Variants in ERO1A observed in about 807,000 individuals in gnomAD.
ERO1A encodes the protein ERO1-like protein alpha.
Under a neutral mutation model 76.9 loss-of-function variants are expected in ERO1A, and 49 were observed. That is an observed-to-expected ratio of 0.64 (90% CI 0.51 to 0.81). The LOEUF is 0.81. Ranked by LOEUF, ERO1A falls within the 30% of genes least tolerant of loss-of-function variation. The pLI, the probability that ERO1A is intolerant of heterozygous loss-of-function variation, is 0.00. For missense variants in ERO1A, 448 were observed against 542.1 expected (o/e 0.83, Z 1.72); for synonymous variants, 174 against 181.2 (o/e 0.96, Z 0.32).
intron 13 of ERO1A, among the ~76,000 whole-genome samples, chr14:52,650,601 T>C (rs1345189738): frequency 6.6e-6 from 1 of 152,052 alleles, no homozygotes; most frequent in Admixed American, 6.6e-5. Context: ...TATATATGTA[T>C]GTATATATAA....
At chr14:52,681,950 A>G (rs1347881573) in intron 3 of ERO1A, among the ~76,000 whole-genome samples, 1 of 152,252 alleles carries the variant, frequency 6.6e-6, no homozygotes, top group Non-Finnish European at 1.5e-5. Flanking sequence ...TCAAAGGATT[A>G]TATTAACCAC....
Position 52,671,633 on chromosome 14 carries a change from C to T in ERO1A, c.505G>A (p.Asp169Asn), listed in dbSNP as rs2139714666. The T allele has an allele frequency of 1.3e-6, 2 of 1,599,612 alleles. No individual in the cohort carries two copies. The highest frequency in any genetic ancestry group is 2.2e-5 in the East Asian group (1 of 44,640). The change falls in exon 6 of 16, where the codon GAT becomes AAT. Residue 169 changes from aspartate (D) to asparagine (N), a missense_variant. Physicochemically the swap from Asp to Asn is conservative, Grantham distance 23. Around this residue, in one of 2 missense-constraint regions of ERO1A, gnomAD observed 302 missense variants for 411.9 expected, o/e 0.73. Transcript: ENST00000395686. ...CATACTATCAAAAATATTATACCAT[C>T]AGCTTCACAGAAGTTATCTGAAGAA... ...DDSSDNFCEA[D>N]DIQSPEAEYV...
At chr14:52,681,905 A>G (rs899191936) in intron 3 of ERO1A, among the ~76,000 whole-genome samples, 2 of 152,200 alleles carry the variant, frequency 1.3e-5, no homozygotes, top group African/African-American at 4.8e-5. Context: ...ATCAAATATC[A>G]GGCCAAAAGA....
intron 7 of ERO1A, 101 bp downstream of exon 7, chr14:52,666,274 C>CA (rs2040407593): frequency 1.1e-6 from 1 of 869,678 alleles, no homozygotes; most frequent in African/African-American, 1.7e-5. Flanking sequence ...CATCTTTTAA[C>CA]AAAGTGAATT....
chr14:52,684,710 T>C (rs10483614), intron 1 of ERO1A, among the ~76,000 whole-genome samples: 24,006 of 152,244 alleles, frequency 0.16, 1,978 homozygotes, highest in South Asian at 0.26. Context: ...AATGTCTTAA[T>C]GGTATGTACT....
In ERO1A at chr14:52,641,132, T is replaced by C. The variant is rs2039456376; in HGVS notation, c.*2438A>G. 6.6e-6 allele frequency: 1 copy of C among 151,856 alleles called. No individual in the cohort carries two copies. Among genetic ancestry groups the C allele is most frequent in the African/African-American group, 2.4e-5 (1 of 41,356 alleles). The allele number at this position is 151,856 out of a possible 1,614,324, so 9.4% of individuals were successfully genotyped here. A position where few individuals can be genotyped will look rare whatever the true frequency, so the allele number is the denominator to read the frequency against. ...AGTAGGGGTTGTCAAAAATGTCAAA[T>C]ACAGAAAAAAAGTCAAGTACTAGCT... On this transcript the variant is annotated 3_prime_UTR_variant, in exon 16 of 16. Coordinates refer to ENST00000395686, the MANE Select transcript of ERO1A (RefSeq NM_014584.3).
intron 1 of ERO1A, among the ~76,000 whole-genome samples, chr14:52,686,815 C>T (rs2139777623): frequency 6.6e-6 from 1 of 151,698 alleles, no homozygotes; most frequent in African/African-American, 2.4e-5. Flanking sequence ...GCAGAGATTG[C>T]AGTGAGCCAA....
At chr14:52,693,318 G>C (rs1280364663) in intron 1 of ERO1A, among the ~76,000 whole-genome samples, 1 of 152,022 alleles carries the variant, frequency 6.6e-6, no homozygotes, top group Non-Finnish European at 1.5e-5. Context: ...AGAAAAACGT[G>C]AGAGACTGGC....
chr14:52,653,646 G>A (rs1311525332), intron 11 of ERO1A, among the ~76,000 whole-genome samples: 1 of 151,848 alleles, frequency 6.6e-6, no homozygotes, highest in East Asian at 1.9e-4. Flanking sequence ...TATAATTTAT[G>A]TATTAATCAC....
chr14:52,646,069 T>C (rs1039640629), intron 15 of ERO1A, 85 bp downstream of exon 15: 2 of 1,390,264 alleles, frequency 1.4e-6, no homozygotes, highest in African/African-American at 2.9e-5. Context: ...AAAAAGGATA[T>C]TCCTTACCCA....
intron 7 of ERO1A, 55 bp downstream of exon 7, chr14:52,666,320 T>G: frequency 1.6e-6 from 2 of 1,284,538 alleles, no homozygotes; most frequent in Non-Finnish European, 2.2e-6. Context: ...ATTTTGTTTA[T>G]AAAGAGAAAT....
chr14:52,690,367 C>T (rs1170830041), intron 1 of ERO1A, among the ~76,000 whole-genome samples: 1 of 152,206 alleles, frequency 6.6e-6, no homozygotes, highest in African/African-American at 2.4e-5. Flanking sequence ...TGCAGACCAT[C>T]TGTCTGACAA....
chr14:52,651,106 CAAAAAA>C (rs5808681), intron 13 of ERO1A, among the ~76,000 whole-genome samples: 1 of 102,366 alleles, frequency 9.8e-6, no homozygotes, highest in African/African-American at 3.8e-5. Flanking sequence ...CTGTTTCTAC[CAAAAAA>C]AAAAAAAAAA....
intron 13 of ERO1A, among the ~76,000 whole-genome samples, chr14:52,650,625 C>T (rs2039825962): frequency 6.6e-6 from 1 of 151,764 alleles, no homozygotes; most frequent in Middle Eastern, 3.4e-3. Context: ...CAGATCAAAC[C>T]CAGTAGTATG....
chr14:52,684,361 T>C (rs568902079), intron 1 of ERO1A, among the ~76,000 whole-genome samples: 2 of 152,144 alleles, frequency 1.3e-5, no homozygotes, highest in East Asian at 1.9e-4. Flanking sequence ...CATGATCCAG[T>C]TGGCAAAGAG....
chr14:52,681,496 G>C (rs529312537), intron 3 of ERO1A, among the ~76,000 whole-genome samples: 4 of 152,198 alleles, frequency 2.6e-5, no homozygotes, highest in Admixed American at 1.3e-4. Flanking sequence ...CCAGCTACTT[G>C]GGAGGCTGGG....
intron 4 of ERO1A, 29 bp from the exon 5 acceptor site, chr14:52,671,900 A>G (rs748898083): frequency 5.9e-6 from 8 of 1,359,396 alleles, no homozygotes; most frequent in Non-Finnish European, 8.2e-6. Context: ...TAAATAGATA[A>G]TAACTTATTG....
intron 1 of ERO1A, among the ~76,000 whole-genome samples, chr14:52,692,976 G>C (rs1594838792): frequency 7.9e-6 from 1 of 127,338 alleles, no homozygotes; most frequent in Non-Finnish European, 1.6e-5. Flanking sequence ...AATTGGAATT[G>C]ATAGTCTCTG....
Position 52,641,207 on chromosome 14 carries a change from G to C in ERO1A, c.*2363C>G, listed in dbSNP as rs1477306307. 1 of 152,104 alleles carries C rather than the reference G, an allele frequency of 6.6e-6. No homozygotes were observed. The highest frequency in any genetic ancestry group is 2.4e-5 in the African/African-American group (1 of 41,414). 9.4% of individuals were successfully genotyped at this position (152,104 alleles called of 1,614,324 possible). On this transcript the variant is annotated 3_prime_UTR_variant, in exon 16 of 16. Coordinates refer to ENST00000395686, the MANE Select transcript of ERO1A (RefSeq NM_014584.3). ...ATTAAGATTTTAGACTTTACAGGAA[G>C]GGACTGTTAACCAGAGAGCCAAATG...
Sources: allele counts gnomAD v4.1 joint callset (sites outside exome capture counted in the v4.1 genomes callset), GRCh38; gene constraint gnomAD v4.1.1; regional missense constraint gnomAD v4.1.1; transcripts MANE v1.5; gene names NCBI Gene and HGNC (gene_info 2026-07-23, HGNC 2026-07-21).